Variants in OR5K1 observed in about 807,000 individuals in gnomAD.
OR5K1 encodes the protein olfactory receptor 5K1.
A neutral mutation model predicts 10.4 loss-of-function variants in OR5K1; 7 were observed. The ratio of observed to expected loss-of-function variants is 0.67; its 90% CI spans 0.38 to 1.26. The LOEUF (loss-of-function observed/expected upper bound fraction) is 1.26, where lower values mean the gene tolerates loss of function less well. OR5K1 is among the 50% of genes most tolerant of loss of function. The probability of loss-of-function intolerance (pLI) is 0.02; values close to 1 mark genes in which losing one functional copy is unlikely to be tolerated. For synonymous variants in OR5K1, 135 were observed against 128.5 expected, an observed-to-expected ratio of 1.05 and a Z score of -0.34; for missense variants, 435 against 366.2, an observed-to-expected ratio of 1.19 and a Z score of -1.53.
chr3:98,468,651 T>C (rs532350894), intron 1 of OR5K1, among the ~76,000 whole-genome samples: 28 of 152,252 alleles, frequency 1.8e-4, no homozygotes, highest in Non-Finnish European at 3.5e-4. Context: ...CATGTCAGAA[T>C]TTCTTCCCTT....
chr3:98,464,358 T>G (rs1705345581), intron 1 of OR5K1, among the ~76,000 whole-genome samples: 1 of 152,204 alleles, frequency 6.6e-6, no homozygotes, highest in Non-Finnish European at 1.5e-5. Flanking sequence ...AGAGATCTTC[T>G]TATATCTTTC....
chr3:98,467,672 G>A (rs1246073098), intron 1 of OR5K1, among the ~76,000 whole-genome samples: 2 of 99,162 alleles, frequency 2.0e-5, no homozygotes, highest in Non-Finnish European at 3.9e-5. Flanking sequence ...ATTGTGAATG[G>A]GAGTTCACTC....
At chr3:98,464,424 T>G (rs1705346543) in intron 1 of OR5K1, among the ~76,000 whole-genome samples, 1 of 152,114 alleles carries the variant, frequency 6.6e-6, no homozygotes. Context: ...TCAATGAATA[T>G]CCAGAAAACT....
At chr3:98,465,453 T>G (rs1705360479) in intron 1 of OR5K1, among the ~76,000 whole-genome samples, 2 of 152,166 alleles carry the variant, frequency 1.3e-5, no homozygotes, top group Admixed American at 1.3e-4. Flanking sequence ...TTTATGTCAA[T>G]CTTTGTAGAA....
rs1576239623 is a variant in OR5K1, at chr3:98,471,904, C to T, written c.*1401C>T. 6.6e-6 allele frequency: 1 copy of T among 152,146 alleles called. No individual in the cohort carries two copies. Among genetic ancestry groups the T allele is most frequent in the East Asian group, 1.9e-4 (1 of 5,172 alleles). 9.4% of individuals were successfully genotyped at this position (152,146 alleles called of 1,614,324 possible). On this transcript the variant is annotated 3_prime_UTR_variant, in exon 2 of 2. Transcript: ENST00000642057. ...CTTTGTAACCTCCAAGAAAATCTAA[C>T]CTAGTTCATTCCAATTATACTTGGA...
chr3:98,469,538 G>T (rs746576186), intron 1 of OR5K1, 28 bp from the exon 2 acceptor site: 1 of 1,577,360 alleles, frequency 6.3e-7, no homozygotes, highest in Non-Finnish European at 8.6e-7. Flanking sequence ...ATAAATTAGT[G>T]CCTTCTTTCT....
At chr3:98,463,974 G>A (rs1038714559) in intron 1 of OR5K1, among the ~76,000 whole-genome samples, 32 of 152,142 alleles carry the variant, frequency 2.1e-4, no homozygotes, top group African/African-American at 7.7e-4. Flanking sequence ...AGGTACATCA[G>A]CCAGGTGCAG....
intron 1 of OR5K1, among the ~76,000 whole-genome samples, chr3:98,464,173 T>C (rs1409407349): frequency 1.3e-5 from 2 of 152,114 alleles, no homozygotes; most frequent in African/African-American, 2.4e-5. Flanking sequence ...GGAGAATCCC[T>C]TGAACCTGGG....
In OR5K1 at chr3:98,472,657, T is replaced by G. The variant is rs1576239950; in HGVS notation, c.*2154T>G. The stretch of plus-strand genomic sequence containing the variant: ...ACTCAAAAATGAGACTCTGTCTTAG[T>G]CTATTCTCTCTGTCTGGAATATCAA... On this transcript the variant is annotated 3_prime_UTR_variant, in exon 2 of 2. Transcript: ENST00000642057. The G allele has an allele frequency of 6.6e-6, 1 of 151,992 alleles. No homozygotes were observed. Among genetic ancestry groups the G allele is most frequent in the East Asian group, 1.9e-4 (1 of 5,176 alleles). The allele number at this position is 151,992 out of a possible 1,614,324, so 9.4% of individuals were successfully genotyped here.
intron 1 of OR5K1, among the ~76,000 whole-genome samples, chr3:98,464,155 C>G (rs1474752487): frequency 1.3e-5 from 2 of 152,046 alleles, no homozygotes; most frequent in African/African-American, 4.8e-5. Flanking sequence ...ACTTGGTAGG[C>G]AGAGGCAGGA....
intron 1 of OR5K1, among the ~76,000 whole-genome samples, chr3:98,466,741 G>C (rs1351279429): frequency 7.7e-6 from 1 of 130,008 alleles, no homozygotes; most frequent in Non-Finnish European, 1.6e-5. Context: ...CTTTTTGATG[G>C]GGTTGTTTGT....
rs565871049 is a variant in OR5K1 at position 98,471,930 on chromosome 3, C to T, written c.*1427C>T. On this transcript the variant is annotated 3_prime_UTR_variant, in exon 2 of 2. Coordinates refer to ENST00000642057, the MANE Select transcript of OR5K1 (RefSeq NM_001004736.4). ...CTAGTTCATTCCAATTATACTTGGA[C>T]ATGTGAAGATCTTGTTTGTTTCAAA... 4.6e-5 allele frequency: 7 copies of T among 152,112 alleles called. No homozygotes were observed. In the East Asian group the frequency reaches 7.7e-4, roughly 17 times the overall value. 9.4% of individuals were successfully genotyped at this position (152,112 alleles called of 1,614,324 possible). A position where few individuals can be genotyped will look rare whatever the true frequency, so the allele number is the denominator to read the frequency against.
intron 1 of OR5K1, 37 bp from the exon 2 acceptor site, chr3:98,469,529 T>A (rs771693179): frequency 6.4e-7 from 1 of 1,562,508 alleles, no homozygotes; most frequent in Non-Finnish European, 8.7e-7. Context: ...TGGCATATTA[T>A]AAATTAGTGC....
At chr3:98,465,568 A>T (rs9851331) in intron 1 of OR5K1, among the ~76,000 whole-genome samples, 1 of 151,894 alleles carries the variant, frequency 6.6e-6, no homozygotes, top group African/African-American at 2.4e-5. Flanking sequence ...GTAATTGCAC[A>T]AATTTTAGAT....
Position 98,470,390 on chromosome 3 carries a change from A to C in OR5K1, c.814A>C (p.Ile272Leu). ...PNLLEEGDKDIPAAILFTIVV... is the reference protein window; with the variant it reads ...PNLLEEGDKDLPAAILFTIVV... ...TTTGCTTGAAGAAGGGGATAAAGAT[A>C]TACCAGCTGCAATTTTATTTACAAT... Residue 272 changes from isoleucine to leucine, a missense_variant, in exon 2 of 2, where the codon ATA becomes CTA. Physicochemically the swap from Ile to Leu is conservative, Grantham distance 5. Coordinates refer to ENST00000642057, the MANE Select transcript of OR5K1 (RefSeq NM_001004736.4). 6.2e-7 allele frequency: 1 copy of C among 1,611,244 alleles called. No individual in the cohort carries two copies. The highest frequency in any genetic ancestry group is 1.3e-5 in the African/African-American group (1 of 74,918).
At chr3:98,465,444 T>G (rs1705360408) in intron 1 of OR5K1, among the ~76,000 whole-genome samples, 2 of 152,180 alleles carry the variant, frequency 1.3e-5, no homozygotes, top group Non-Finnish European at 2.9e-5. Context: ...GGACATCATT[T>G]TATGTCAATC....
In OR5K1 at chr3:98,470,392, A is replaced by G. The variant is rs1165020820; in HGVS notation, c.816A>G (p.Ile272Met). 3 of 1,610,750 alleles carry G rather than the reference A, an allele frequency of 1.9e-6. No individual in the cohort carries two copies. Among genetic ancestry groups the G allele is most frequent in the Middle Eastern group, 1.7e-4 (1 of 6,048 alleles). ...TGCTTGAAGAAGGGGATAAAGATAT[A>G]CCAGCTGCAATTTTATTTACAATAG... ...PNLLEEGDKDIPAAILFTIVV... is the reference protein window; with the variant it reads ...PNLLEEGDKDMPAAILFTIVV... Residue 272 changes from isoleucine (I) to methionine (M), a missense_variant, in exon 2 of 2, where the codon ATA (isoleucine) becomes ATG (methionine). Ile to Met is a conservative substitution (Grantham distance 10, BLOSUM62 1). Transcript: ENST00000642057.
chr3:98,465,839 T>G (rs59065660), intron 1 of OR5K1, among the ~76,000 whole-genome samples: 6,713 of 152,138 alleles, frequency 0.044, 500 homozygotes, highest in African/African-American at 0.15. Flanking sequence ...CAGTTTTTGT[T>G]TGATGCTTAA....
chr3:98,470,200 C>A lies in OR5K1; in HGVS notation c.624C>A (p.Val208=). 6.2e-7 allele frequency: 1 copy of A among 1,613,172 alleles called. No homozygotes were observed. The highest frequency in any genetic ancestry group is 8.5e-7 in the Non-Finnish European group (1 of 1,179,462). ...TCATCTTCTCAGGTTCAGTTCAAGT[C>A]TTTACCATAGGTAGTGTCTTAATAT... ...VLFIFSGSVQ[V]FTIGSVLISY... is the part of the protein sequence containing the mutation. Residue 208 remains valine, a synonymous_variant, in exon 2 of 2, where the codon GTC becomes GTA. Transcript: ENST00000642057.
Sources: gnomAD v4.1 joint callset for allele counts (sites outside exome capture counted in the v4.1 genomes callset) on GRCh38, gnomAD v4.1.1 for gene constraint, MANE v1.5 for transcripts, NCBI Gene and HGNC (gene_info 2026-07-23, HGNC 2026-07-21) for gene names.